Variants in CAMSAP2 observed in about 807,000 individuals in gnomAD.
CAMSAP2 encodes calmodulin-regulated spectrin-associated protein 2.
Under a neutral mutation model 146.1 loss-of-function variants are expected in CAMSAP2, and 26 were observed. The observed-to-expected ratio is 0.18, with a 90% confidence interval of 0.13 to 0.25. The LOEUF (loss-of-function observed/expected upper bound fraction) is 0.25. Ranked by LOEUF, CAMSAP2 falls within the 10% of genes least tolerant of loss-of-function variation. CAMSAP2 has a pLI of 1.00. For missense variants in CAMSAP2, 1,381 were observed against 1,759.3 expected, an observed-to-expected ratio of 0.78 and a Z score of 3.85; for synonymous variants, 499 against 596.6, an observed-to-expected ratio of 0.84 and a Z score of 2.38.
At chr1:200,765,812 C>G (rs1267822769) in intron 2 of CAMSAP2, among the ~76,000 whole-genome samples, 2 of 151,922 alleles carry the variant, frequency 1.3e-5, no homozygotes, top group African/African-American at 4.8e-5. Flanking sequence ...TTGTTTGACT[C>G]AAGATTGAAC....
chr1:200,816,765 C>CACACACGCGTGTATATATGTGTGT (rs1666521259), intron 4 of CAMSAP2, among the ~76,000 whole-genome samples: 1 of 49,832 alleles, frequency 2.0e-5, no homozygotes, highest in East Asian at 1.3e-3. Flanking sequence ...TATGTGTGTA[C>CACACACGCGTGTATATATGTGTGT]ACACACACGC....
chr1:200,797,747 A>G (rs1665925040), intron 2 of CAMSAP2, among the ~76,000 whole-genome samples: 1 of 105,802 alleles, frequency 9.5e-6, no homozygotes, highest in African/African-American at 3.8e-5. Flanking sequence ...GTCCTTGCCC[A>G]TGCCTATGTC....
intron 2 of CAMSAP2, among the ~76,000 whole-genome samples, chr1:200,787,491 A>G (rs1665627219): frequency 6.6e-6 from 1 of 152,212 alleles, no homozygotes; most frequent in Admixed American, 6.5e-5. Flanking sequence ...GAATTGCTGT[A>G]ATCTCATTAT....
intron 4 of CAMSAP2, among the ~76,000 whole-genome samples, chr1:200,827,141 G>A (rs951340732): frequency 2.0e-5 from 3 of 152,164 alleles, no homozygotes; most frequent in African/African-American, 7.2e-5. Context: ...GCCAATCTGT[G>A]GGTTTCCTTT....
chr1:200,740,833 A>G (rs1664149012), intron 1 of CAMSAP2, among the ~76,000 whole-genome samples: 1 of 152,184 alleles, frequency 6.6e-6, no homozygotes, highest in South Asian at 2.1e-4. Flanking sequence ...ATGTTGTGAA[A>G]TGTTAAAAAA....
intron 12 of CAMSAP2, 87 bp downstream of exon 12, chr1:200,852,764 G>A: frequency 7.4e-7 from 1 of 1,354,780 alleles, no homozygotes; most frequent in South Asian, 1.6e-5. Context: ...ACTCAAAGAG[G>A]TGGTCTCTCA....
At chr1:200,847,560 A>C in intron 9 of CAMSAP2, 80 bp from the exon 10 acceptor site, 1 of 1,091,398 alleles carries the variant, frequency 9.2e-7, no homozygotes, top group Non-Finnish European at 1.4e-6. Flanking sequence ...ATGAATCCTC[A>C]AATACATGAA....
chr1:200,741,804 G>A (rs1308641460), intron 1 of CAMSAP2, among the ~76,000 whole-genome samples: 1 of 152,178 alleles, frequency 6.6e-6, no homozygotes, highest in Non-Finnish European at 1.5e-5. Flanking sequence ...ATGTCTGCCA[G>A]GCACTCTGCT....
chr1:200,855,974 G>C (rs751814849), intron 14 of CAMSAP2, 36 bp from the exon 15 acceptor site: 9 of 1,440,220 alleles, frequency 6.2e-6, no homozygotes, highest in Non-Finnish European at 8.7e-6. Context: ...TTTTTTCTCT[G>C]TTTGAGACAT....
At chr1:200,817,116 G>A (rs1296213987) in intron 4 of CAMSAP2, among the ~76,000 whole-genome samples, 6 of 142,488 alleles carry the variant, frequency 4.2e-5, no homozygotes, top group South Asian at 4.4e-4. Context: ...ACACGTGTGT[G>A]TATATACACG....
chr1:200,760,467 A>G (rs868393428), intron 1 of CAMSAP2, among the ~76,000 whole-genome samples: 2 of 152,188 alleles, frequency 1.3e-5, no homozygotes, highest in African/African-American at 2.4e-5. Context: ...GTGCATTTCC[A>G]TGTTGACAGC....
intron 3 of CAMSAP2, among the ~76,000 whole-genome samples, chr1:200,809,826 A>C (rs1666278397): frequency 6.6e-6 from 1 of 152,190 alleles, no homozygotes; most frequent in African/African-American, 2.4e-5. Context: ...AGGCTAAGAG[A>C]TCCCAGGTGA....
intron 2 of CAMSAP2, among the ~76,000 whole-genome samples, chr1:200,778,395 G>A (rs1319794253): frequency 6.6e-6 from 1 of 152,128 alleles, no homozygotes; most frequent in African/African-American, 2.4e-5. Flanking sequence ...TAAGTGTTTT[G>A]GGGGAGGCTC....
chr1:200,841,679 T>C (rs1282642957), intron 6 of CAMSAP2, among the ~76,000 whole-genome samples: 1 of 152,242 alleles, frequency 6.6e-6, no homozygotes, highest in African/African-American at 2.4e-5. Context: ...ACTTTTTAAG[T>C]TGCTTATATT....
Position 200,813,688 on chromosome 1 carries a change from C to T in CAMSAP2, c.562-1873C>T, listed in dbSNP as rs1666396071. ...TTTGGACAGAATCAGATAAAAACCT[C>T]TTTAAAAATGAAGGTATTTCCTCAG... On this transcript the variant is annotated intron_variant, in intron 3 of 16. Coordinates refer to ENST00000358823, the MANE Select transcript of CAMSAP2 (RefSeq NM_203459.4). Among the ~76,000 whole-genome samples the T allele has an allele frequency of 5.9e-5, 9 of 152,148 alleles. No homozygotes were observed. The South Asian group carries it at 1.9e-3, about 32-fold the overall frequency.
intron 2 of CAMSAP2, among the ~76,000 whole-genome samples, chr1:200,799,974 G>A (rs970224806): frequency 6.6e-6 from 1 of 152,084 alleles, no homozygotes; most frequent in African/African-American, 2.4e-5. Context: ...GTAGTTTAGC[G>A]GTTTTGAGTG....
intron 7 of CAMSAP2, among the ~76,000 whole-genome samples, chr1:200,843,058 A>G (rs1342589804): frequency 6.6e-6 from 1 of 152,100 alleles, no homozygotes; most frequent in Non-Finnish European, 1.5e-5. Context: ...TTAGCCCACT[A>G]AAGAACTTTC....
intron 2 of CAMSAP2, among the ~76,000 whole-genome samples, chr1:200,800,983 A>T (rs1666020158): frequency 1.3e-5 from 2 of 152,126 alleles, no homozygotes; most frequent in Admixed American, 1.3e-4. Context: ...AAGAAGGTTG[A>T]GGCCTGACGC....
chr1:200,813,847 C>A (rs1204315823), intron 3 of CAMSAP2, among the ~76,000 whole-genome samples: 3 of 151,668 alleles, frequency 2.0e-5, no homozygotes, highest in Non-Finnish European at 1.5e-5. Flanking sequence ...GTCTGTAATC[C>A]CAACACTTTC....
Sources: gnomAD v4.1 joint callset for allele counts (sites outside exome capture counted in the v4.1 genomes callset) on GRCh38, gnomAD v4.1.1 for gene constraint, MANE v1.5 for transcripts, NCBI Gene and HGNC (gene_info 2026-07-23, HGNC 2026-07-21) for gene names.